DMD: variants seen among roughly 807,000 people sequenced by gnomAD.
DMD encodes the protein mutant dystrophin.
DMD carries 63 observed loss-of-function variants against 330.1 expected under a neutral mutation model. That is an observed-to-expected ratio of 0.19 (90% CI 0.16 to 0.24). The LOEUF (loss-of-function observed/expected upper bound fraction) is 0.24. Among genes scored for constraint, DMD ranks in the 10% least tolerant of loss-of-function variants. The pLI, the probability that DMD is intolerant of heterozygous loss-of-function variation, is 1.00. For synonymous variants in DMD, 1,223 were observed against 959.8 expected, an observed-to-expected ratio of 1.27 and a Z score of -5.07; for missense variants, 3,344 against 2,684.1, an observed-to-expected ratio of 1.25 and a Z score of -5.43.
intron 73 of DMD, among the ~76,000 whole-genome samples, chrX:31,170,495 G>A (rs2148193765): frequency 9.0e-6 from 1 of 110,911 alleles, no homozygotes; most frequent in East Asian, 2.8e-4. Flanking sequence ...TCTTCTGTCC[G>A]TAATGACAGG....
At chrX:31,558,325 T>C (rs991783086) in intron 55 of DMD, among the ~76,000 whole-genome samples, 2 of 111,380 alleles carry the variant, frequency 1.8e-5, no homozygotes, top group African/African-American at 6.5e-5. Flanking sequence ...TTCTCTCTCT[T>C]TGGTGTTGAA....
chrX:32,783,748 A>G (rs1219899839), intron 7 of DMD, among the ~76,000 whole-genome samples: 2 of 111,232 alleles, frequency 1.8e-5, no homozygotes, highest in African/African-American at 6.5e-5. Context: ...ATATGACATC[A>G]TTTATATAAG....
intron 1 of DMD, among the ~76,000 whole-genome samples, chrX:33,307,692 A>AAAAATAT (rs1351511833): frequency 9.0e-6 from 1 of 111,685 alleles, no homozygotes; most frequent in Non-Finnish European, 1.9e-5. Context: ...CCATCTCAGA[A>AAAAATAT]AAAATATAAA....
chrX:31,974,675 C>T (rs1490015801), intron 44 of DMD, among the ~76,000 whole-genome samples: 1 of 110,094 alleles, frequency 9.1e-6, no homozygotes, highest in African/African-American at 3.3e-5. Flanking sequence ...AGTAGATATG[C>T]TCTTGGTACA....
intron 1 of DMD, among the ~76,000 whole-genome samples, chrX:33,146,159 G>T (rs2048021253): frequency 9.0e-6 from 1 of 110,618 alleles, no homozygotes; most frequent in Non-Finnish European, 1.9e-5. Context: ...CTCCCAAAGT[G>T]CTGGGATTAC....
chrX:32,891,671 A>G (rs2085214799), intron 2 of DMD, among the ~76,000 whole-genome samples: 1 of 112,018 alleles, frequency 8.9e-6, no homozygotes, highest in Admixed American at 9.5e-5. Context: ...AATTTGGATG[A>G]AATATGCTGG....
At chrX:33,241,726 T>C (rs2052589247) in intron 1 of DMD, among the ~76,000 whole-genome samples, 1 of 111,602 alleles carries the variant, frequency 9.0e-6, no homozygotes, top group African/African-American at 3.3e-5. Context: ...AGTTTCCAGG[T>C]CTTTCACTTC....
chrX:31,476,829 T>G (rs752605672), intron 59 of DMD, among the ~76,000 whole-genome samples: 11 of 111,031 alleles, frequency 9.9e-5, no homozygotes, highest in Non-Finnish European at 1.7e-4. Flanking sequence ...AAGTAAAAGA[T>G]GCTGGGGATT....
At chrX:32,429,446 G>A (rs1320955290) in intron 29 of DMD, among the ~76,000 whole-genome samples, 1 of 83,801 alleles carries the variant, frequency 1.2e-5, no homozygotes, top group Non-Finnish European at 2.1e-5. Flanking sequence ...CACCTTGTTG[G>A]CAGCCTGGTC....
chrX:33,291,497 T>C (rs1470536757), intron 1 of DMD, among the ~76,000 whole-genome samples: 17 of 111,749 alleles, frequency 1.5e-4, no homozygotes, highest in Non-Finnish European at 1.9e-5. Flanking sequence ...TTTATCCCCA[T>C]GTAATGCCTT....
intron 67 of DMD, among the ~76,000 whole-genome samples, chrX:31,188,905 A>G (rs192399144): frequency 2.7e-5 from 3 of 111,901 alleles, no homozygotes; most frequent in Admixed American, 1.9e-4. Context: ...AGAATTCTCA[A>G]TATCTGGAAT....
At chrX:32,032,536 G>A (rs1279307052) in intron 44 of DMD, among the ~76,000 whole-genome samples, 1 of 111,663 alleles carries the variant, frequency 9.0e-6, no homozygotes, top group African/African-American at 3.3e-5. Flanking sequence ...AGAAGCACAT[G>A]GAAAGCGCTT....
chrX:31,528,123 A>C (rs1480955776), intron 55 of DMD, among the ~76,000 whole-genome samples: 1 of 111,972 alleles, frequency 8.9e-6, no homozygotes, highest in Non-Finnish European at 1.9e-5. Flanking sequence ...AGGCAAGTGG[A>C]TTTGTACCTA....
At chrX:32,462,909 G>C (rs989426861) in intron 25 of DMD, among the ~76,000 whole-genome samples, 1 of 110,973 alleles carries the variant, frequency 9.0e-6, no homozygotes, top group Non-Finnish European at 1.9e-5. Context: ...GCAGTGAGCC[G>C]AGTTCACACC....
chrX:32,160,527 G>C (rs1159045131), intron 44 of DMD, among the ~76,000 whole-genome samples: 1 of 110,087 alleles, frequency 9.1e-6, no homozygotes, highest in Non-Finnish European at 1.9e-5. Context: ...GAACCACCAT[G>C]CCCCACCTGC....
intron 1 of DMD, among the ~76,000 whole-genome samples, chrX:33,288,195 A>T (rs1230024699): frequency 8.9e-6 from 1 of 111,986 alleles, no homozygotes; most frequent in Non-Finnish European, 1.9e-5. Flanking sequence ...CCAGTTGAAC[A>T]GGGTAAGGTA....
chrX:32,007,333 A>T (rs1389489287), intron 44 of DMD, among the ~76,000 whole-genome samples: 2 of 109,556 alleles, frequency 1.8e-5, no homozygotes, highest in African/African-American at 6.6e-5. Context: ...TGCTGCTTGA[A>T]ATCAAGGAAC....
intron 2 of DMD, among the ~76,000 whole-genome samples, chrX:33,001,090 T>C (rs1169137683): frequency 8.9e-6 from 1 of 111,732 alleles, no homozygotes; most frequent in African/African-American, 3.2e-5. Context: ...TGTGACTTCA[T>C]GATAAAAAGG....
intron 45 of DMD, among the ~76,000 whole-genome samples, chrX:31,959,426 T>C (rs2095278612): frequency 8.9e-6 from 1 of 111,788 alleles, no homozygotes; most frequent in South Asian, 3.7e-4. Context: ...GGAAAAATAT[T>C]GTAAAATTGG....
Sources: gnomAD v4.1 joint callset for allele counts (sites outside exome capture counted in the v4.1 genomes callset) on GRCh38, gnomAD v4.1.1 for gene constraint, MANE v1.5 for transcripts, NCBI Gene and HGNC (gene_info 2026-07-23, HGNC 2026-07-21) for gene names.